PTPRG: variants seen among roughly 807,000 people sequenced by gnomAD.
PTPRG encodes the protein protein tyrosine phosphatase receptor type G, also known as receptor-type tyrosine-protein phosphatase gamma.
In PTPRG, 102 loss-of-function variants were observed where a neutral mutation model predicts 165.3. That is an observed-to-expected ratio of 0.62 (90% confidence interval 0.53 to 0.73). The LOEUF (loss-of-function observed/expected upper bound fraction) is 0.73. Ranked by LOEUF, PTPRG falls within the 30% of genes least tolerant of loss-of-function variation. PTPRG has a pLI of 0.00. For missense variants in PTPRG, 1,866 were observed against 1,861.4 expected (o/e 1.00, Z -0.05); for synonymous variants, 675 against 669.5 (o/e 1.01, Z -0.13).
intron 2 of PTPRG, among the ~76,000 whole-genome samples, chr3:61,965,820 T>A (rs893334858): frequency 6.6e-6 from 1 of 152,242 alleles, no homozygotes; most frequent in Non-Finnish European, 1.5e-5. Flanking sequence ...TTAGGTAACT[T>A]GCCCAGGACC....
chr3:62,026,191 A>G (rs1394417144), intron 4 of PTPRG, among the ~76,000 whole-genome samples: 3 of 152,194 alleles, frequency 2.0e-5, no homozygotes, highest in Non-Finnish European at 2.9e-5. Context: ...TATCACATAC[A>G]AGGGTTTGAT....
In PTPRG at chr3:61,765,212, T is replaced by A. The variant is rs76741059; in HGVS notation, c.190+16230T>A. Among the ~76,000 whole-genome samples the A allele has an allele frequency of 6.7e-3, 1,021 of 152,300 alleles. 17 individuals carry two copies. The highest frequency in any genetic ancestry group is 0.039 in the South Asian group (188 of 4,824). ...ATGGTGTTCAATCATCTTTGGAGAT[T>A]AAAGAGTAGAAATGGAAAGCTTGGC... On this transcript the variant is annotated intron_variant, in intron 2 of 29. Coordinates refer to ENST00000474889, the MANE Select transcript of PTPRG (RefSeq NM_002841.4).
chr3:61,758,918 C>T (rs1035707959), intron 2 of PTPRG, among the ~76,000 whole-genome samples: 1 of 152,132 alleles, frequency 6.6e-6, no homozygotes, highest in African/African-American at 2.4e-5. Flanking sequence ...ACTGAATTTT[C>T]TCGCTGTTCA....
intron 2 of PTPRG, among the ~76,000 whole-genome samples, chr3:61,781,801 C>T (rs2034551570): frequency 6.6e-6 from 1 of 151,714 alleles, no homozygotes; most frequent in African/African-American, 2.4e-5. Context: ...GATCATAGCT[C>T]ACTGTAGCCT....
chr3:61,654,057 G>A (rs1380289813), intron 1 of PTPRG, among the ~76,000 whole-genome samples: 1 of 152,136 alleles, frequency 6.6e-6, no homozygotes, highest in Non-Finnish European at 1.5e-5. Context: ...GCCCTTCCAG[G>A]GCACTTTGAC....
At chr3:62,062,578 G>A (rs1700852797) in intron 4 of PTPRG, among the ~76,000 whole-genome samples, 1 of 152,086 alleles carries the variant, frequency 6.6e-6, no homozygotes, top group Non-Finnish European at 1.5e-5. Flanking sequence ...GTTCAACAGA[G>A]ACATCTATTT....
chr3:62,078,120 G>T, intron 4 of PTPRG, 43 bp from the exon 5 acceptor site: 1 of 1,351,026 alleles, frequency 7.4e-7, no homozygotes, highest in Non-Finnish European at 1.0e-6. Context: ...TTTTATTTAT[G>T]TTTGAAAATT....
intron 2 of PTPRG, among the ~76,000 whole-genome samples, chr3:61,941,056 G>A (rs2039614840): frequency 6.6e-6 from 1 of 152,186 alleles, no homozygotes; most frequent in South Asian, 2.1e-4. Context: ...CTCTTCTTAG[G>A]CAAGTTAATT....
intron 2 of PTPRG, among the ~76,000 whole-genome samples, chr3:61,914,125 C>T (rs375634415): frequency 8.5e-4 from 130 of 152,166 alleles, no homozygotes; most frequent in African/African-American, 2.8e-3. Flanking sequence ...ATCTACAGTT[C>T]AGTGGTCCTA....
intron 2 of PTPRG, among the ~76,000 whole-genome samples, chr3:61,833,101 A>G (rs1185402920): frequency 9.0e-6 from 1 of 111,724 alleles, no homozygotes; most frequent in Non-Finnish European, 1.7e-5. Flanking sequence ...GTGTGTACAC[A>G]GTTTCTTTAT....
At chr3:61,672,324 C>G (rs1034995539) in intron 1 of PTPRG, among the ~76,000 whole-genome samples, 2 of 144,762 alleles carry the variant, frequency 1.4e-5, no homozygotes, top group Non-Finnish European at 3.0e-5. Flanking sequence ...GGGTGGCGGC[C>G]GGGCAGAGGC....
chr3:61,942,406 AAAT>A (rs1029851494), intron 2 of PTPRG, among the ~76,000 whole-genome samples: 5 of 152,334 alleles, frequency 3.3e-5, no homozygotes, highest in African/African-American at 1.2e-4. Flanking sequence ...GAGAAAACAA[AAAT>A]TAGACCAAGC....
At chr3:62,038,406 TA>T (rs1232431740) in intron 4 of PTPRG, among the ~76,000 whole-genome samples, 1 of 152,198 alleles carries the variant, frequency 6.6e-6, no homozygotes, top group African/African-American at 2.4e-5. Flanking sequence ...TTTTTATTTT[TA>T]TTTTTTTGGA....
chr3:62,283,506 A>C (rs894986236), intron 28 of PTPRG, among the ~76,000 whole-genome samples: 19 of 152,148 alleles, frequency 1.2e-4, no homozygotes, highest in Admixed American at 4.6e-4. Flanking sequence ...TTGTATATAG[A>C]TATTTGGAGC....
At chr3:62,184,004 C>G (rs1030227009) in intron 8 of PTPRG, among the ~76,000 whole-genome samples, 2 of 152,226 alleles carry the variant, frequency 1.3e-5, no homozygotes, top group Non-Finnish European at 2.9e-5. Context: ...CCTGTCAACT[C>G]TGGTTCAGAC....
At chr3:62,196,587 C>T (rs963351952) in intron 10 of PTPRG, among the ~76,000 whole-genome samples, 6 of 151,978 alleles carry the variant, frequency 3.9e-5, no homozygotes, top group African/African-American at 1.5e-4. Context: ...TAGCCACGGG[C>T]CGTAGTTTGG....
chr3:62,183,769 G>A (rs1474007103), intron 8 of PTPRG, among the ~76,000 whole-genome samples: 1 of 152,092 alleles, frequency 6.6e-6, no homozygotes, highest in Non-Finnish European at 1.5e-5. Context: ...AAATTGTCAA[G>A]AGACCCCACA....
At chr3:62,192,405 T>C (rs1466130198) in intron 9 of PTPRG, among the ~76,000 whole-genome samples, 1,764 of 117,174 alleles carry the variant, frequency 0.015, 47 homozygotes, top group Middle Eastern at 0.11. Context: ...TTTTTTTTTT[T>C]TTTTTTTTTT....
rs145927694 is a variant in PTPRG at position 62,119,098 on chromosome 3, C to T, written c.616-13504C>T. On this transcript the variant is annotated intron_variant, in intron 5 of 29. Transcript: ENST00000474889. Reference sequence around the variant, plus strand: ...GCCCTCAGGGAGCTTCTGGTCCAGTCAAGCGATCAGATTTCTAAACAGGTA... The same window carrying T: ...GCCCTCAGGGAGCTTCTGGTCCAGTTAAGCGATCAGATTTCTAAACAGGTA... Among the ~76,000 whole-genome samples the T allele has an allele frequency of 5.2e-3, 796 of 152,276 alleles. 3 individuals carry two copies. The highest frequency in any genetic ancestry group is 6.9e-3 in the Non-Finnish European group (470 of 68,020).
Sources: allele counts gnomAD v4.1 joint callset (sites outside exome capture counted in the v4.1 genomes callset), GRCh38; gene constraint gnomAD v4.1.1; transcripts MANE v1.5; gene names NCBI Gene and HGNC (gene_info 2026-07-23, HGNC 2026-07-21).